Variants in PLCB1 observed in about 807,000 individuals in gnomAD.
PLCB1 encodes 1-phosphatidylinositol 4,5-bisphosphate phosphodiesterase beta-1.
PLCB1 carries 46 observed loss-of-function variants against 161.8 expected under a neutral mutation model. The observed-to-expected ratio is 0.28, with a 90% CI of 0.22 to 0.36. The LOEUF (loss-of-function observed/expected upper bound fraction) is 0.36, where lower values mean the gene tolerates loss of function less well. PLCB1 is among the 10% of genes least tolerant of loss of function. The probability of loss-of-function intolerance (pLI) is 1.00; values close to 1 mark genes in which losing one functional copy is unlikely to be tolerated. For missense variants in PLCB1, 1,016 were observed against 1,472.5 expected (o/e 0.69, Z 5.07); for synonymous variants, 517 against 503.7 (o/e 1.03, Z -0.35).
chr20:8,325,485 T>C (rs770094037), intron 2 of PLCB1, among the ~76,000 whole-genome samples: 3 of 152,222 alleles, frequency 2.0e-5, no homozygotes, highest in Non-Finnish European at 2.9e-5. Flanking sequence ...TCAAAGGCAG[T>C]TTTCTCAGGC....
chr20:8,370,526 G>A (rs1430590185), intron 2 of PLCB1, among the ~76,000 whole-genome samples: 2 of 152,074 alleles, frequency 1.3e-5, no homozygotes, highest in Middle Eastern at 6.8e-3. Context: ...TAAAGGCCAC[G>A]AACACCTCAA....
At chr20:8,467,407 A>C (rs953308164) in intron 3 of PLCB1, among the ~76,000 whole-genome samples, 1 of 152,174 alleles carries the variant, frequency 6.6e-6, no homozygotes, top group African/African-American at 2.4e-5. Flanking sequence ...AGCCACACCC[A>C]GTCATCATTT....
At chr20:8,338,320 G>A (rs899514727) in intron 2 of PLCB1, among the ~76,000 whole-genome samples, 7 of 152,030 alleles carry the variant, frequency 4.6e-5, no homozygotes, top group Non-Finnish European at 8.8e-5. Context: ...AATATATTCC[G>A]CCAGTGGAAC....
At chr20:8,723,797 G>A (rs747941611) in intron 15 of PLCB1, among the ~76,000 whole-genome samples, 33 of 152,074 alleles carry the variant, frequency 2.2e-4, no homozygotes, top group Non-Finnish European at 4.4e-4. Context: ...TAGAACGCGA[G>A]CCATTAATCC....
At chr20:8,642,845 C>A (rs1330776708) in intron 4 of PLCB1, among the ~76,000 whole-genome samples, 1 of 152,162 alleles carries the variant, frequency 6.6e-6, no homozygotes, top group Non-Finnish European at 1.5e-5. Flanking sequence ...GTATCTTGCC[C>A]TCAGTTATAG....
intron 27 of PLCB1, 43 bp from the exon 28 acceptor site, chr20:8,788,402 CTGTT>C (rs746013766): frequency 1.3e-6 from 2 of 1,560,870 alleles, no homozygotes; most frequent in Middle Eastern, 1.7e-4. Context: ...GAAGGAAGCT[CTGTT>C]TGCAATCATT....
chr20:8,753,437 C>A (rs931241321), intron 23 of PLCB1, among the ~76,000 whole-genome samples: 17 of 152,120 alleles, frequency 1.1e-4, no homozygotes, highest in Non-Finnish European at 2.1e-4. Flanking sequence ...ATCATGAGGT[C>A]CCTGACAAGA....
chr20:8,729,321 A>C (rs778983283), intron 18 of PLCB1, 147 bp downstream of exon 18: 21 of 550,548 alleles, frequency 3.8e-5, no homozygotes, highest in Admixed American at 1.5e-4. Context: ...ATATCAATGC[A>C]TAAAAAAAGT....
intron 2 of PLCB1, among the ~76,000 whole-genome samples, chr20:8,284,570 T>A (rs1206897880): frequency 2.6e-5 from 4 of 152,168 alleles, no homozygotes; most frequent in Admixed American, 6.6e-5. Context: ...AGACTCTGTC[T>A]CTGCAAAAAG....
intron 3 of PLCB1, among the ~76,000 whole-genome samples, chr20:8,506,103 A>G (rs1402160726): frequency 6.6e-6 from 1 of 152,158 alleles, no homozygotes; most frequent in East Asian, 1.9e-4. Flanking sequence ...GTTCTTTTAT[A>G]ACTTTGTTTA....
intron 2 of PLCB1, among the ~76,000 whole-genome samples, chr20:8,189,432 A>G (rs182382515): frequency 6.6e-6 from 1 of 151,728 alleles, no homozygotes; most frequent in Admixed American, 6.6e-5. Context: ...GGTTTCCTTT[A>G]TTAGTATTAG....
chr20:8,146,104 T>C (rs1485988785), intron 1 of PLCB1, among the ~76,000 whole-genome samples: 2 of 102,636 alleles, frequency 1.9e-5, no homozygotes, highest in East Asian at 4.3e-4. Flanking sequence ...TTGTTTTTTT[T>C]GTTTTTTTTT....
chr20:8,421,276 C>T (rs78753040), intron 3 of PLCB1, among the ~76,000 whole-genome samples: 5,537 of 152,138 alleles, frequency 0.036, 327 homozygotes, highest in African/African-American at 0.12. Context: ...GCCTTCTTGC[C>T]GAGAAAATTT....
At chr20:8,276,965 CTTCTTCTTCTTCTTCTTCTTCTTA>C (rs1307261985) in intron 2 of PLCB1, among the ~76,000 whole-genome samples, 22 of 121,820 alleles carry the variant, frequency 1.8e-4, no homozygotes, top group African/African-American at 4.6e-4. Flanking sequence ...TCTTCTTCTT[CTTCTTCTTCTTCTTCTTCTTCTTA>C]TTATTATTAT....
At chr20:8,170,133 C>T (rs1600213501) in intron 2 of PLCB1, among the ~76,000 whole-genome samples, 1 of 152,036 alleles carries the variant, frequency 6.6e-6, no homozygotes. Flanking sequence ...TTTTGAGTGC[C>T]CATGATGTGC....
chr20:8,683,661 T>TA (rs1275141258), intron 9 of PLCB1, among the ~76,000 whole-genome samples: 5 of 152,188 alleles, frequency 3.3e-5, no homozygotes, highest in Admixed American at 3.3e-4. Context: ...TTGTCAATAT[T>TA]TAGTATTAGT....
intron 27 of PLCB1, among the ~76,000 whole-genome samples, chr20:8,786,112 G>A (rs1414794237): frequency 6.6e-6 from 1 of 152,142 alleles, no homozygotes; most frequent in African/African-American, 2.4e-5. Flanking sequence ...TGATTCTGAT[G>A]TTGCAGCCAA....
chr20:8,145,808 A>G (rs905857957), intron 1 of PLCB1, among the ~76,000 whole-genome samples: 1 of 152,224 alleles, frequency 6.6e-6, no homozygotes, highest in African/African-American at 2.4e-5. Context: ...ATTAATACGA[A>G]TACTATATTT....
intron 4 of PLCB1, among the ~76,000 whole-genome samples, chr20:8,640,930 T>G: frequency 6.6e-6 from 1 of 152,182 alleles, no homozygotes; most frequent in East Asian, 1.9e-4. Context: ...CGTTAAACTT[T>G]TCCCATTTGG....
Sources: gnomAD v4.1 joint callset for allele counts (sites outside exome capture counted in the v4.1 genomes callset) on GRCh38, gnomAD v4.1.1 for gene constraint, MANE v1.5 for transcripts, NCBI Gene and HGNC (gene_info 2026-07-23, HGNC 2026-07-21) for gene names.